Variants in MORN1 observed in about 807,000 individuals in gnomAD.
The protein encoded by MORN1 is MORN repeat-containing protein 1.
Under a neutral mutation model 61.9 loss-of-function variants are expected in MORN1, and 67 were observed. The observed-to-expected ratio is 1.08, with a 90% CI of 0.89 to 1.33. The LOEUF (loss-of-function observed/expected upper bound fraction) is 1.33, where lower values mean the gene tolerates loss of function less well. MORN1 is among the 40% of genes most tolerant of loss of function. The pLI is 0.00. For synonymous variants in MORN1, 301 were observed against 292.0 expected (o/e 1.03, Z -0.31); for missense variants, 752 against 691.2 (o/e 1.09, Z -0.99).
intron 2 of MORN1, 97 bp downstream of exon 2, chr1:2,389,828 C>T: frequency 9.4e-7 from 1 of 1,068,428 alleles, no homozygotes; most frequent in Admixed American, 1.7e-5. Flanking sequence ...TCGAAAGCTA[C>T]AGGAAATGCC....
At chr1:2,347,968 G>A (rs762312001) in intron 10 of MORN1, among the ~76,000 whole-genome samples, 10 of 152,118 alleles carry the variant, frequency 6.6e-5, no homozygotes, top group East Asian at 1.9e-4. Flanking sequence ...GAAGTTTTTC[G>A]CCTCACGTAA....
intron 6 of MORN1, among the ~76,000 whole-genome samples, chr1:2,380,070 A>T (rs1165542213): frequency 6.6e-6 from 1 of 152,172 alleles, no homozygotes; most frequent in African/African-American, 2.4e-5. Flanking sequence ...TTAGCAAGGA[A>T]GGAGGAGCTG....
intron 6 of MORN1, among the ~76,000 whole-genome samples, chr1:2,382,182 C>T (rs918343765): frequency 2.6e-5 from 4 of 152,184 alleles, no homozygotes; most frequent in African/African-American, 4.8e-5. Context: ...CGGCCCAGGC[C>T]GGAGGGGATG....
chr1:2,348,981 C>T (rs924357777), intron 10 of MORN1, among the ~76,000 whole-genome samples: 3 of 152,190 alleles, frequency 2.0e-5, no homozygotes, highest in African/African-American at 7.2e-5. Flanking sequence ...CCTTCTTGTC[C>T]CCACTTCTTT....
At position 2,334,523 on chromosome 1, in the gene MORN1, G is replaced by A. The variant is rs1641224371; in HGVS notation, c.1250+1946C>T. Among the ~76,000 whole-genome samples, 1 of 152,116 alleles carries A rather than the reference G, an allele frequency of 6.6e-6. No homozygotes were observed. The highest frequency in any genetic ancestry group is 2.1e-4 in the South Asian group (1 of 4,832). On this transcript the variant is annotated intron_variant, in intron 12 of 13. Transcript: ENST00000378531. The surrounding 1 kb of genome is among the most constrained non-coding windows in gnomAD (Gnocchi z 5.4). ...AAGGCCAGCTGCATGGAGAGGCGGG[G>A]CTCCCTTGGGGGAGCAGGCCTGGTT...
At chr1:2,365,834 C>T (rs1431894978) in intron 8 of MORN1, among the ~76,000 whole-genome samples, 1 of 151,150 alleles carries the variant, frequency 6.6e-6, no homozygotes, top group African/African-American at 2.4e-5. Flanking sequence ...ACAACAGGTG[C>T]TGGAGAGGAT....
At chr1:2,324,644 T>A (rs1441223766) in intron 12 of MORN1, among the ~76,000 whole-genome samples, 1 of 151,716 alleles carries the variant, frequency 6.6e-6, no homozygotes, top group African/African-American at 2.4e-5. Context: ...CACCTGGGAG[T>A]GCCATGACTG....
intron 6 of MORN1, chr1:2,379,314 G>A (rs77152832): frequency 3.0e-4 from 112 of 375,508 alleles, no homozygotes; most frequent in African/African-American, 2.3e-3. Flanking sequence ...CCACTTTCTA[G>A]TCTTTTCAGA....
intron 8 of MORN1, among the ~76,000 whole-genome samples, chr1:2,361,793 G>A (rs1270480896): frequency 6.6e-6 from 1 of 152,104 alleles, no homozygotes; most frequent in African/African-American, 2.4e-5. Context: ...ACTCCCCACA[G>A]CTTTAATAGC....
chr1:2,342,886 AT>A (rs56189014), intron 10 of MORN1, among the ~76,000 whole-genome samples: 10,788 of 114,978 alleles, frequency 0.094, 614 homozygotes, highest in Admixed American at 0.15. Context: ...ATTTTATTTT[AT>A]TTTATTTTAT....
In MORN1 at chr1:2,388,268, C is replaced by A; in HGVS notation, c.218G>T (p.Gly73Val). 6.2e-7 allele frequency: 1 copy of A among 1,613,956 alleles called. No individual in the cohort carries two copies. Residue 73 changes from glycine to valine, a missense_variant, in exon 3 of 14, where the codon GGA becomes GTA. Physicochemically the swap from Gly to Val is moderately radical, Grantham distance 109. Transcript: ENST00000378531. ...CCAGGCCCAGTGCCGGCGGCCTTCT[C>A]CCGTGATCTCTCCGTCCACAAACGC... ...EGAFVDGEIT[G>V]EGRRHWAWSG... is the part of the protein sequence containing the mutation.
At chr1:2,361,020 T>C (rs1000089100) in intron 8 of MORN1, among the ~76,000 whole-genome samples, 1 of 152,134 alleles carries the variant, frequency 6.6e-6, no homozygotes, top group Non-Finnish European at 1.5e-5. Flanking sequence ...AGAATATTTA[T>C]AGGAATACAA....
At chr1:2,345,649 T>A (rs1641496543) in intron 10 of MORN1, among the ~76,000 whole-genome samples, 1 of 152,148 alleles carries the variant, frequency 6.6e-6, no homozygotes, top group South Asian at 2.1e-4. Context: ...GGGCTCTGTG[T>A]CCCAGGGTCT....
intron 6 of MORN1, chr1:2,376,204 G>A (rs961090261): frequency 1.9e-4 from 29 of 151,858 alleles, no homozygotes; most frequent in Non-Finnish European, 2.2e-4. Flanking sequence ...GACTCCAGAC[G>A]TTCCCACCAA....
In MORN1 at chr1:2,325,116, T is replaced by A. The variant is rs79278737; in HGVS notation, c.1251-973A>T. Among the ~76,000 whole-genome samples, 9 of 61,764 alleles carry A rather than the reference T, an allele frequency of 1.5e-4. 1 individual carries two copies. Among genetic ancestry groups the A allele is most frequent in the African/African-American group, 1.1e-3 (9 of 8,504 alleles). The allele number at this position is 61,764 out of a possible 152,430, so 40.5% of individuals were successfully genotyped here. A position where few individuals can be genotyped will look rare whatever the true frequency, so the allele number is the denominator to read the frequency against. ...TTCTTTCTCTCCCCTTTCCTTCCCT[T>A]CCTTCCCTTCCTTCCTTCCCTCCCT... On this transcript the variant is annotated intron_variant, in intron 12 of 13. Transcript: ENST00000378531.
chr1:2,374,646 G>C, intron 6 of MORN1, 89 bp from the exon 7 acceptor site: 1 of 1,148,580 alleles, frequency 8.7e-7, no homozygotes, highest in Non-Finnish European at 1.3e-6. Context: ...TGGTGCTACA[G>C]CAGGGCCCCA....
At chr1:2,390,557 C>T in intron 1 of MORN1, 2 of 985,400 alleles carry the variant, frequency 2.0e-6, no homozygotes, top group South Asian at 4.7e-5. Flanking sequence ...GGGCTCCCTC[C>T]CTACCAGCTC....
In MORN1 at chr1:2,369,161, C is replaced by A. The variant is rs1029795035; in HGVS notation, c.745+3320G>T. ...AGTCAGGAGATTGAGATCATCCTGGCTAGCAGGGTGAAACCCTGTCTGTAC... is the reference window on the plus strand; with the variant it reads ...AGTCAGGAGATTGAGATCATCCTGGATAGCAGGGTGAAACCCTGTCTGTAC... On this transcript the variant is annotated intron_variant, in intron 8 of 13. Coordinates refer to ENST00000378531, the MANE Select transcript of MORN1 (RefSeq NM_024848.3). Among the ~76,000 whole-genome samples, 36 of 151,426 alleles carry A rather than the reference C, an allele frequency of 2.4e-4. 1 individual carries two copies. Among genetic ancestry groups the A allele is most frequent in the Admixed American group, 2.3e-3 (35 of 15,216 alleles).
At chr1:2,335,374 C>T (rs1434077396) in intron 12 of MORN1, among the ~76,000 whole-genome samples, 1 of 152,230 alleles carries the variant, frequency 6.6e-6, no homozygotes, top group East Asian at 1.9e-4. Flanking sequence ...CTCACGTCCG[C>T]TTCTGTTTGC....
Sources: gnomAD v4.1 joint callset for allele counts (sites outside exome capture counted in the v4.1 genomes callset) on GRCh38, gnomAD v4.1.1 for gene constraint, Gnocchi (gnomAD v3.1) non-coding constraint, MANE v1.5 for transcripts, NCBI Gene and HGNC (gene_info 2026-07-23, HGNC 2026-07-21) for gene names.